BNIPL: variants seen among roughly 807,000 people sequenced by gnomAD.
BNIPL encodes bcl-2/adenovirus E1B 19 kDa-interacting protein 2-like protein.
Under a neutral mutation model 47.0 loss-of-function variants are expected in BNIPL, and 33 were observed. That is an observed-to-expected ratio of 0.70 (90% CI 0.53 to 0.94). The LOEUF is 0.94. Among genes scored for constraint, BNIPL ranks in the 40% least tolerant of loss-of-function variants. The pLI is 0.00. For missense variants in BNIPL, 404 were observed against 445.2 expected (o/e 0.91, Z 0.83); for synonymous variants, 145 against 162.7 (o/e 0.89, Z 0.83).
intron 3 of BNIPL, 70 bp downstream of exon 3, chr1:151,038,638 C>G (rs780584056): frequency 1.2e-5 from 19 of 1,593,112 alleles, no homozygotes; most frequent in Non-Finnish European, 1.5e-5. Context: ...CACCTCTATC[C>G]TTTTACAGTT....
intron 7 of BNIPL, 154 bp from the exon 8 acceptor site, chr1:151,045,643 T>C (rs1675992103): frequency 7.4e-7 from 1 of 1,348,096 alleles, no homozygotes; most frequent in Non-Finnish European, 9.9e-7. Context: ...GAGCTGAGAT[T>C]ACAGCTGACG....
intron 7 of BNIPL, among the ~76,000 whole-genome samples, chr1:151,045,266 C>CAAAAAAA (rs35529687): frequency 1.9e-5 from 1 of 52,354 alleles, no homozygotes; most frequent in Non-Finnish European, 3.4e-5. Flanking sequence ...GATTCCATCT[C>CAAAAAAA]AAAAAAAAAA....
rs756433087 is a variant in BNIPL at position 151,046,636 on chromosome 1, C to T, written c.1038-15C>T. The T allele has an allele frequency of 1.3e-6, 2 of 1,598,078 alleles. No individual in the cohort carries two copies. Among genetic ancestry groups the T allele is most frequent in the East Asian group, 2.2e-5 (1 of 44,764 alleles). On this transcript the variant is annotated splice_polypyrimidine_tract_variant and intron_variant, in intron 9 of 9. Coordinates refer to ENST00000368931, the MANE Select transcript of BNIPL (RefSeq NM_138278.4). ...CCCCTGAACCACTTCTCTCCTCCCC[C>T]TCTCCCTCTCCTAGGCTGGACCGGG...
chr1:151,045,615 G>A, intron 7 of BNIPL, 182 bp from the exon 8 acceptor site: 1 of 1,102,612 alleles, frequency 9.1e-7, no homozygotes, highest in Non-Finnish European at 1.2e-6. Context: ...GATCATGGAG[G>A]GCTAAATAAG....
chr1:151,037,679 G>A lies in BNIPL; in HGVS notation c.137+17G>A. ...ATTCCCTAGGTGAGGACGTGTGAGG[G>A]TGGCTGGGAGAAGGGAGGGGTGGTC... On this transcript the variant is annotated intron_variant, in intron 2 of 9. Transcript: ENST00000368931. 1.3e-6 allele frequency: 2 copies of A among 1,571,782 alleles called. No homozygotes were observed. Among genetic ancestry groups the A allele is most frequent in the South Asian group, 1.2e-5 (1 of 86,446 alleles).
chr1:151,040,690 G>A (rs1675786370), intron 4 of BNIPL, among the ~76,000 whole-genome samples: 1 of 151,846 alleles, frequency 6.6e-6, no homozygotes, highest in Non-Finnish European at 1.5e-5. Context: ...AGCTACTTGG[G>A]AGGCTGAGGC....
chr1:151,043,831 C>G, intron 7 of BNIPL, 104 bp downstream of exon 7: 3 of 1,349,532 alleles, frequency 2.2e-6, no homozygotes, highest in Non-Finnish European at 3.0e-6. Context: ...TTTCTTTGTC[C>G]TTTTACGTTC....
At chr1:151,045,974 C>T (rs1676008443) in intron 8 of BNIPL, 91 bp downstream of exon 8, 1 of 1,612,824 alleles carries the variant, frequency 6.2e-7, no homozygotes, top group Non-Finnish European at 8.5e-7. Context: ...TCTTTCTAGC[C>T]TTAACCACTC....
intron 4 of BNIPL, among the ~76,000 whole-genome samples, chr1:151,041,734 G>C (rs1030614680): frequency 6.6e-6 from 1 of 152,214 alleles, no homozygotes; most frequent in Non-Finnish European, 1.5e-5. Flanking sequence ...AGCACTTTGG[G>C]ATGCCAAGGC....
chr1:151,047,546 T>G lies in BNIPL; in HGVS notation c.*859T>G. ...TGTATTTTTGCCCTCTTTAGTAAATTTAGAACTGTAGAGGCTAATAAACTG... is the reference window on the plus strand; with the variant it reads ...TGTATTTTTGCCCTCTTTAGTAAATGTAGAACTGTAGAGGCTAATAAACTG... On this transcript the variant is annotated 3_prime_UTR_variant, in exon 10 of 10. Transcript: ENST00000368931. 2.6e-6 allele frequency: 1 copy of G among 383,782 alleles called. No individual in the cohort carries two copies. 23.8% of individuals were successfully genotyped at this position (383,782 alleles called of 1,614,324 possible).
rs1174402093 is a variant in BNIPL at position 151,047,405 on chromosome 1, GC to G, written c.*720del. On this transcript the variant is annotated 3_prime_UTR_variant, in exon 10 of 10. Coordinates refer to ENST00000368931, the MANE Select transcript of BNIPL (RefSeq NM_138278.4). Reference sequence around the variant, plus strand: ...AAGAGGCTTACCTGACAGCCAGCCTGCCTGCTGGGAGCCAGGAGAGTCAGCT... The same window carrying G: ...AAGAGGCTTACCTGACAGCCAGCCTGCTGCTGGGAGCCAGGAGAGTCAGCT... 1 of 161,618 alleles carries G rather than the reference GC, an allele frequency of 6.2e-6. No homozygotes were observed. The highest frequency in any genetic ancestry group is 1.3e-5 in the Non-Finnish European group (1 of 74,732). 10.0% of individuals were successfully genotyped at this position (161,618 alleles called of 1,614,324 possible).
At chr1:151,045,624 A>C in intron 7 of BNIPL, 173 bp from the exon 8 acceptor site, 1 of 1,194,050 alleles carries the variant, frequency 8.4e-7, no homozygotes, top group East Asian at 2.7e-5. Context: ...GGGCTAAATA[A>C]GATGGGTGGA....
chr1:151,045,474 G>T (rs1428711111), intron 7 of BNIPL: 1 of 218,424 alleles, frequency 4.6e-6, no homozygotes, highest in African/African-American at 2.5e-5. Context: ...CAGGAGAATG[G>T]CATGAACCCG....
At position 151,038,562 on chromosome 1, in the gene BNIPL, C is replaced by T. The variant is rs772862388; in HGVS notation, c.196C>T (p.Gln66Ter). ...TCCTGAAGACCCTAAAGGAGATTCACAGGCAGGTAGGTCAAGTAGAAACCA... is the reference window on the plus strand; with the variant it reads ...TCCTGAAGACCCTAAAGGAGATTCATAGGCAGGTAGGTCAAGTAGAAACCA... ...EDPEDPKGDS[Q>*]AAAGTPSTLA... Residue 66 changes from glutamine (Q) to a stop codon, truncating the protein, a stop_gained, in exon 3 of 10, where the codon CAG becomes TAG. Coordinates refer to ENST00000368931, the MANE Select transcript of BNIPL (RefSeq NM_138278.4). LOFTEE classifies it high-confidence loss of function. The T allele has an allele frequency of 2.2e-5, 35 of 1,613,210 alleles. No homozygotes were observed. The highest frequency in any genetic ancestry group is 1.6e-4 in the Middle Eastern group (1 of 6,082).
rs758385799 is a variant in BNIPL at position 151,037,633 on chromosome 1, G to A, written c.108G>A (p.Lys36=). The change falls in exon 2 of 10, where the codon AAG becomes AAA. Residue 36 remains lysine (K), a synonymous_variant. Coordinates refer to ENST00000368931, the MANE Select transcript of BNIPL (RefSeq NM_138278.4). ...TGAGACATGGGGAGTTGGAGCTGAA[G>A]GAGGAATGGCAGGATGAAGAATTCC... ...AALRHGELEL[K]EEWQDEEFPR... 10 of 1,604,346 alleles carry A rather than the reference G, an allele frequency of 6.2e-6. No homozygotes were observed. In the Admixed American group the frequency reaches 1.2e-4, roughly 19 times the overall value.
chr1:151,037,184 C>T (rs1248423379), intron 1 of BNIPL: 2 of 324,810 alleles, frequency 6.2e-6, no homozygotes, highest in Non-Finnish European at 1.0e-5. Context: ...CTTAGCCACT[C>T]CCCAGCTCGG....
In BNIPL at chr1:151,036,892, T is replaced by C. The variant is rs1571832737; in HGVS notation, c.41+126T>C. The C allele has an allele frequency of 7.3e-6, 7 of 960,676 alleles. No homozygotes were observed. In the East Asian group the frequency reaches 1.8e-4, roughly 24 times the overall value. 59.5% of individuals were successfully genotyped at this position (960,676 alleles called of 1,614,324 possible). A position where few individuals can be genotyped will look rare whatever the true frequency, so the allele number is the denominator to read the frequency against. On this transcript the variant is annotated intron_variant, in intron 1 of 9. Transcript: ENST00000368931. ...CAAGGAGACAAGACTGTAAGAGAGTTTGCAGAGAAGAGATGAGGGTGGTTT... is the reference window on the plus strand; with the variant it reads ...CAAGGAGACAAGACTGTAAGAGAGTCTGCAGAGAAGAGATGAGGGTGGTTT...
Position 151,046,676 on chromosome 1 carries a change from G to A in BNIPL, c.1063G>A (p.Gly355Arg). Residue 355 changes from glycine (G) to arginine (R), a missense_variant, in exon 10 of 10, where the codon GGA becomes AGA. Gly to Arg is a moderately radical substitution (Grantham distance 125, BLOSUM62 -2). Transcript: ENST00000368931. ...RQLDRDLHGS[G>R]GT ...GCTGGACCGGGATCTCCATGGCTCA[G>A]GAGGGACATAGCACAGGACTGGATA... 1.2e-6 allele frequency: 2 copies of A among 1,605,484 alleles called. No homozygotes were observed. The highest frequency in any genetic ancestry group is 1.7e-6 in the Non-Finnish European group (2 of 1,172,232).
intron 1 of BNIPL, 79 bp downstream of exon 1, chr1:151,036,845 C>A: frequency 2.1e-6 from 3 of 1,404,906 alleles, no homozygotes; most frequent in Non-Finnish European, 3.0e-6. Flanking sequence ...CCAGCTCTTA[C>A]TGGGTCAAAT....
Sources: gnomAD v4.1 joint callset for allele counts (sites outside exome capture counted in the v4.1 genomes callset) on GRCh38, gnomAD v4.1.1 for gene constraint, MANE v1.5 for transcripts, NCBI Gene and HGNC (gene_info 2026-07-23, HGNC 2026-07-21) for gene names.